Variants in MARCHF11 observed in about 807,000 individuals in gnomAD.
The protein encoded by MARCHF11 is membrane associated ring-CH-type finger 11.
Under a neutral mutation model 37.3 loss-of-function variants are expected in MARCHF11, and 29 were observed. The ratio of observed to expected loss-of-function variants is 0.78; its 90% CI spans 0.58 to 1.06. The LOEUF (loss-of-function observed/expected upper bound fraction) is 1.06, where lower values mean the gene tolerates loss of function less well. MARCHF11 is among the 50% of genes least tolerant of loss of function. The pLI is 0.00. For missense variants in MARCHF11, 482 were observed against 533.4 expected (o/e 0.90, Z 0.95); for synonymous variants, 233 against 228.0 (o/e 1.02, Z -0.20).
chr5:16,126,633 C>CA (rs1428047295), intron 2 of MARCHF11, among the ~76,000 whole-genome samples: 2 of 152,064 alleles, frequency 1.3e-5, no homozygotes, highest in East Asian at 3.9e-4. Flanking sequence ...TTCGCTAGGG[C>CA]AAAAAAGCTA....
At chr5:16,144,955 G>C (rs1252154004) in intron 2 of MARCHF11, among the ~76,000 whole-genome samples, 1 of 152,148 alleles carries the variant, frequency 6.6e-6, no homozygotes, top group Non-Finnish European at 1.5e-5. Flanking sequence ...GGTTGTAGGT[G>C]GAGTTTGTGG....
rs1341681671 is a variant in MARCHF11, at chr5:16,125,359, T to G, written c.694-34278A>C. On this transcript the variant is annotated intron_variant, in intron 2 of 3. Transcript: ENST00000332432. ...CATGTCACTATCCAGAACCGAGATA[T>G]CTCACAGTTCATGTTCAACACATCC... 6.6e-5 allele frequency among the ~76,000 whole-genome samples: 10 copies of G among 152,116 alleles called. 1 individual carries two copies. Among genetic ancestry groups the G allele is most frequent in the Admixed American group, 6.6e-5 (1 of 15,258 alleles).
chr5:16,150,582 C>T (rs1737873601), intron 2 of MARCHF11, among the ~76,000 whole-genome samples: 2 of 149,882 alleles, frequency 1.3e-5, no homozygotes, highest in South Asian at 2.1e-4. Context: ...GTCAGGTCTG[C>T]GGTACATTCA....
At chr5:16,069,297 T>C (rs1487740945) in intron 3 of MARCHF11, among the ~76,000 whole-genome samples, 1 of 152,104 alleles carries the variant, frequency 6.6e-6, no homozygotes, top group Non-Finnish European at 1.5e-5. Context: ...CACATATATA[T>C]ATGGTAGACA....
intron 2 of MARCHF11, among the ~76,000 whole-genome samples, chr5:16,171,360 C>T (rs1738259816): frequency 6.6e-6 from 1 of 150,490 alleles, no homozygotes; most frequent in African/African-American, 2.4e-5. Context: ...AGAAACATCC[C>T]ACCCATTGAA....
At chr5:16,096,130 A>C (rs1381026579) in intron 2 of MARCHF11, among the ~76,000 whole-genome samples, 1 of 152,142 alleles carries the variant, frequency 6.6e-6, no homozygotes, top group Admixed American at 6.5e-5. Flanking sequence ...TTCCCTACTT[A>C]AACTGACACA....
intron 2 of MARCHF11, among the ~76,000 whole-genome samples, chr5:16,135,014 A>G (rs976785799): frequency 1.3e-5 from 2 of 150,472 alleles, no homozygotes; most frequent in Non-Finnish European, 2.9e-5. Flanking sequence ...ACACACACAC[A>G]CACACACACA....
At chr5:16,154,982 ATC>A (rs948207576) in intron 2 of MARCHF11, among the ~76,000 whole-genome samples, 1 of 151,826 alleles carries the variant, frequency 6.6e-6, no homozygotes, top group African/African-American at 2.4e-5. Flanking sequence ...TTCCTACCAC[ATC>A]TGACCCAACC....
chr5:16,070,441 C>T (rs750861724), intron 3 of MARCHF11, among the ~76,000 whole-genome samples: 9 of 152,166 alleles, frequency 5.9e-5, no homozygotes, highest in Non-Finnish European at 8.8e-5. Context: ...AACACACATT[C>T]GCACTAATCC....
chr5:16,130,755 T>G (rs1737503200), intron 2 of MARCHF11, among the ~76,000 whole-genome samples: 1 of 152,180 alleles, frequency 6.6e-6, no homozygotes, highest in Non-Finnish European at 1.5e-5. Context: ...CATCACAGGT[T>G]AATCTTAGCA....
At chr5:16,136,928 C>T (rs774643390) in intron 2 of MARCHF11, among the ~76,000 whole-genome samples, 21 of 152,174 alleles carry the variant, frequency 1.4e-4, no homozygotes, top group Non-Finnish European at 2.2e-4. Context: ...ATCTGTGAAG[C>T]TTTAATTACA....
chr5:16,121,288 C>T (rs1737305343), intron 2 of MARCHF11, among the ~76,000 whole-genome samples: 1 of 152,124 alleles, frequency 6.6e-6, no homozygotes, highest in South Asian at 2.1e-4. Flanking sequence ...CACCGTGTGA[C>T]GTACTATATT....
At chr5:16,136,035 G>A (rs1390245861) in intron 2 of MARCHF11, among the ~76,000 whole-genome samples, 1 of 152,106 alleles carries the variant, frequency 6.6e-6, no homozygotes, top group African/African-American at 2.4e-5. Flanking sequence ...ACCAAGGCTT[G>A]ATTCCTAGCC....
chr5:16,121,314 C>T (rs1737305855), intron 2 of MARCHF11, among the ~76,000 whole-genome samples: 1 of 152,130 alleles, frequency 6.6e-6, no homozygotes, highest in East Asian at 1.9e-4. Flanking sequence ...TTTATTTATT[C>T]ATTTTTAATA....
chr5:16,152,356 C>A (rs1737903055), intron 2 of MARCHF11, among the ~76,000 whole-genome samples: 1 of 151,924 alleles, frequency 6.6e-6, no homozygotes, highest in Non-Finnish European at 1.5e-5. Context: ...AACACATGTT[C>A]TAAGTATATC....
At position 16,067,408 on chromosome 5, in the gene MARCHF11, A is replaced by G; in HGVS notation, c.*63T>C. 6.1e-6 allele frequency: 9 copies of G among 1,470,788 alleles called. No individual in the cohort carries two copies. Among genetic ancestry groups the G allele is most frequent in the Non-Finnish European group, 7.4e-6 (8 of 1,073,896 alleles). The allele number at this position is 1,470,788 out of a possible 1,614,324, so 91.1% of individuals were successfully genotyped here. A position where few individuals can be genotyped will look rare whatever the true frequency, so the allele number is the denominator to read the frequency against. On this transcript the variant is annotated 3_prime_UTR_variant, in exon 4 of 4. Coordinates refer to ENST00000332432, the MANE Select transcript of MARCHF11 (RefSeq NM_001102562.3). ...TTTTTAGAAGTGCTATGGTTTTGCC[A>G]TTCACTGCAATTACATTGCAAAATG...
intron 2 of MARCHF11, among the ~76,000 whole-genome samples, chr5:16,149,049 A>G (rs577898706): frequency 4.2e-4 from 64 of 152,242 alleles, no homozygotes; most frequent in Admixed American, 3.8e-3. Context: ...GAGAGTTCCA[A>G]GAACACCTTG....
intron 2 of MARCHF11, among the ~76,000 whole-genome samples, chr5:16,095,077 T>C (rs1257890351): frequency 1.3e-5 from 2 of 152,318 alleles, no homozygotes; most frequent in African/African-American, 2.4e-5. Context: ...TTACCACTTA[T>C]ACTAGACTAT....
chr5:16,108,795 T>C (rs1350761633), intron 2 of MARCHF11, among the ~76,000 whole-genome samples: 1 of 152,166 alleles, frequency 6.6e-6, no homozygotes, highest in Non-Finnish European at 1.5e-5. Flanking sequence ...TACCTGAGGA[T>C]GTTGTGCTCC....
Sources: allele counts gnomAD v4.1 joint callset (sites outside exome capture counted in the v4.1 genomes callset), GRCh38; gene constraint gnomAD v4.1.1; transcripts MANE v1.5; gene names NCBI Gene and HGNC (gene_info 2026-07-23, HGNC 2026-07-21).